The following TCF4 variants were observed in gnomAD, a reference collection of about 807,000 sequenced individuals.
TCF4 encodes the protein SL3-3 enhancer factor 2.
A neutral mutation model predicts 82.1 loss-of-function variants in TCF4; 3 were observed. That is an observed-to-expected ratio of 0.04 (90% CI 0.02 to 0.09). The LOEUF is 0.09. TCF4 is among the 10% of genes least tolerant of loss of function. TCF4 has a pLI of 1.00. For synonymous variants in TCF4, 276 were observed against 309.6 expected (o/e 0.89, Z 1.14); for missense variants, 518 against 852.7 (o/e 0.61, Z 4.89).
chr18:55,509,635 T>C (rs1435259294), intron 3 of TCF4, among the ~76,000 whole-genome samples: 1 of 152,178 alleles, frequency 6.6e-6, no homozygotes, highest in African/African-American at 2.4e-5. Flanking sequence ...TCCAAAATGA[T>C]TCCCCCAAAT....
intron 1 of TCF4, among the ~76,000 whole-genome samples, chr18:55,631,572 T>C (rs2097731655): frequency 6.6e-6 from 1 of 151,668 alleles, no homozygotes; most frequent in African/African-American, 2.4e-5. Flanking sequence ...GAATCACTTC[T>C]ATCTGCTGCA....
chr18:55,448,622 C>A (rs2095567118), intron 5 of TCF4, among the ~76,000 whole-genome samples: 1 of 152,228 alleles, frequency 6.6e-6, no homozygotes, highest in African/African-American at 2.4e-5. Context: ...AGGCATCTAT[C>A]TGTGGACAAT....
intron 5 of TCF4, among the ~76,000 whole-genome samples, chr18:55,434,058 C>CA (rs1249604060): frequency 2.6e-5 from 4 of 152,150 alleles, no homozygotes; most frequent in Non-Finnish European, 5.9e-5. Flanking sequence ...AAATGCTTGT[C>CA]ATACACAAAA....
chr18:55,354,088 A>G (rs1447220363), intron 6 of TCF4, among the ~76,000 whole-genome samples: 1 of 152,130 alleles, frequency 6.6e-6, no homozygotes. Flanking sequence ...ATAGTTTAGC[A>G]TTTTGCTTAA....
At chr18:55,293,133 C>A (rs897971079) in intron 8 of TCF4, among the ~76,000 whole-genome samples, 1 of 151,844 alleles carries the variant, frequency 6.6e-6, no homozygotes, top group Non-Finnish European at 1.5e-5. Context: ...GTGACTTTCA[C>A]CTCAATTAAA....
At chr18:55,557,279 A>G (rs947803032) in intron 3 of TCF4, among the ~76,000 whole-genome samples, 2 of 152,072 alleles carry the variant, frequency 1.3e-5, no homozygotes, top group African/African-American at 4.8e-5. Flanking sequence ...AGACACAGAC[A>G]CACACACACA....
At chr18:55,324,762 C>A (rs2076277807) in intron 8 of TCF4, among the ~76,000 whole-genome samples, 1 of 152,060 alleles carries the variant, frequency 6.6e-6, no homozygotes, top group Non-Finnish European at 1.5e-5. Flanking sequence ...AGCCACCATC[C>A]CTCTCTGGTG....
intron 5 of TCF4, among the ~76,000 whole-genome samples, chr18:55,432,936 C>T (rs1395799510): frequency 6.6e-6 from 1 of 152,074 alleles, no homozygotes; most frequent in Non-Finnish European, 1.5e-5. Flanking sequence ...CAATATTTTC[C>T]CTTGATTTTG....
At chr18:55,293,997 C>T (rs1486145720) in intron 8 of TCF4, among the ~76,000 whole-genome samples, 7 of 111,066 alleles carry the variant, frequency 6.3e-5, no homozygotes, top group Non-Finnish European at 8.5e-5. Context: ...TTGTGGTTCA[C>T]GCCTGTAATC....
intron 8 of TCF4, among the ~76,000 whole-genome samples, chr18:55,342,646 A>T (rs1036979565): frequency 6.6e-6 from 1 of 152,044 alleles, no homozygotes; most frequent in Non-Finnish European, 1.5e-5. Context: ...TCCTTAGACA[A>T]TTTTTTTCTT....
intron 6 of TCF4, among the ~76,000 whole-genome samples, chr18:55,384,702 C>T (rs566234297): frequency 1.3e-5 from 2 of 152,206 alleles, no homozygotes; most frequent in East Asian, 3.9e-4. Flanking sequence ...GACCTTTTTC[C>T]CATCCTCCAT....
intron 14 of TCF4, among the ~76,000 whole-genome samples, chr18:55,255,425 A>G (rs2056548801): frequency 6.6e-6 from 1 of 152,184 alleles, no homozygotes; most frequent in South Asian, 2.1e-4. Flanking sequence ...AGCCCCAACT[A>G]TAGCATAGAA....
At chr18:55,507,145 G>A (rs901961349) in intron 3 of TCF4, among the ~76,000 whole-genome samples, 1 of 152,250 alleles carries the variant, frequency 6.6e-6, no homozygotes, top group Non-Finnish European at 1.5e-5. Flanking sequence ...TTACAGGCAT[G>A]AGCCACCAGG....
intron 6 of TCF4, among the ~76,000 whole-genome samples, chr18:55,393,780 A>C (rs2093324481): frequency 6.6e-6 from 1 of 152,240 alleles, no homozygotes; most frequent in South Asian, 2.1e-4. Flanking sequence ...TACTCAGCTA[A>C]ATAAAAATAA....
intron 6 of TCF4, among the ~76,000 whole-genome samples, chr18:55,370,124 G>T (rs1019330599): frequency 6.6e-6 from 1 of 152,226 alleles, no homozygotes; most frequent in Non-Finnish European, 1.5e-5. Context: ...AAGGCCGGGC[G>T]CAATGGCTCA....
At chr18:55,342,654 C>T (rs1357986737) in intron 8 of TCF4, among the ~76,000 whole-genome samples, 1 of 152,084 alleles carries the variant, frequency 6.6e-6, no homozygotes, top group Admixed American at 6.6e-5. Flanking sequence ...CAATTTTTTT[C>T]TTATCCTTTA....
At chr18:55,302,295 G>T in intron 8 of TCF4, 1 of 863,324 alleles carries the variant, frequency 1.2e-6, no homozygotes, top group Non-Finnish European at 1.8e-6. Context: ...GAATGCCAGG[G>T]AAGACAGAAG....
intron 5 of TCF4, among the ~76,000 whole-genome samples, chr18:55,450,308 T>C (rs2095599985): frequency 1.3e-5 from 2 of 152,218 alleles, no homozygotes; most frequent in African/African-American, 4.8e-5. Context: ...TTTCAAATGA[T>C]GCTTCCTTGC....
chr18:55,547,042 C>T (rs1428941244), intron 3 of TCF4: 1 of 152,198 alleles, frequency 6.6e-6, no homozygotes, highest in East Asian at 1.9e-4. Flanking sequence ...TCCAAAGTTC[C>T]GCGCCGATTC....
Sources: allele counts gnomAD v4.1 joint callset (sites outside exome capture counted in the v4.1 genomes callset), GRCh38; gene constraint gnomAD v4.1.1; transcripts MANE v1.5; gene names NCBI Gene and HGNC (gene_info 2026-07-23, HGNC 2026-07-21).